The following IL1RAPL2 variants were observed in gnomAD, a reference collection of about 807,000 sequenced individuals.
The protein encoded by IL1RAPL2 is interleukin 1 receptor accessory protein like 2.
Under a neutral mutation model 44.1 loss-of-function variants are expected in IL1RAPL2, and 3 were observed. The observed-to-expected ratio is 0.07, with a 90% CI of 0.03 to 0.18. The LOEUF (loss-of-function observed/expected upper bound fraction) is 0.18. Among genes scored for constraint, IL1RAPL2 ranks in the 10% least tolerant of loss-of-function variants. The pLI is 1.00. For missense variants in IL1RAPL2, 391 were observed against 496.4 expected (o/e 0.79, Z 2.02); for synonymous variants, 181 against 178.8 (o/e 1.01, Z -0.10).
intron 6 of IL1RAPL2, among the ~76,000 whole-genome samples, chrX:105,679,621 A>AAAT (rs1432804513): frequency 1.8e-5 from 2 of 112,046 alleles, no homozygotes; most frequent in Non-Finnish European, 3.8e-5. Context: ...AGAAGTTGCA[A>AAAT]AATAATTCAG....
chrX:105,604,415 C>T (rs993783187), intron 6 of IL1RAPL2, among the ~76,000 whole-genome samples: 10 of 110,382 alleles, frequency 9.1e-5, no homozygotes, highest in African/African-American at 3.3e-4. Context: ...TGGATTAATT[C>T]CTGGACACAT....
intron 2 of IL1RAPL2, among the ~76,000 whole-genome samples, chrX:104,919,917 A>C (rs375607034): frequency 9.1e-6 from 1 of 110,441 alleles, no homozygotes; most frequent in Non-Finnish European, 1.9e-5. Context: ...CAAGGGTACA[A>C]TCTTGCTTCA....
Position 104,784,184 on chromosome X carries a change from A to G in IL1RAPL2, c.82+125189A>G, listed in dbSNP as rs761441752. On this transcript the variant is annotated intron_variant, in intron 2 of 10. Transcript: ENST00000372582. ...TTTCTTGGGATAACTTTACTGCATA[A>G]TCTTATATTGATTGTATTTCAAAGG... 4.5e-5 allele frequency among the ~76,000 whole-genome samples: 5 copies of G among 112,203 alleles called. No individual in the cohort carries two copies. The South Asian group carries it at 1.9e-3, about 42-fold the overall frequency.
intron 2 of IL1RAPL2, among the ~76,000 whole-genome samples, chrX:104,920,895 C>A (rs746865962): frequency 3.6e-5 from 4 of 110,594 alleles, no homozygotes; most frequent in Non-Finnish European, 5.7e-5. Flanking sequence ...CTGACCAGAT[C>A]TTTTGAGACA....
chrX:105,053,038 A>G (rs1392568217), intron 2 of IL1RAPL2, among the ~76,000 whole-genome samples: 7 of 110,567 alleles, frequency 6.3e-5, no homozygotes, highest in Non-Finnish European at 3.8e-5. Flanking sequence ...TTGGAAATGC[A>G]GAAATCACCT....
chrX:105,061,863 T>C, intron 2 of IL1RAPL2, among the ~76,000 whole-genome samples: 1 of 112,230 alleles, frequency 8.9e-6, no homozygotes, highest in Non-Finnish European at 1.9e-5. Flanking sequence ...ACTGCTGCTC[T>C]TTTTGGTTTT....
intron 5 of IL1RAPL2, among the ~76,000 whole-genome samples, chrX:105,349,127 C>T (rs1218163441): frequency 3.6e-5 from 4 of 112,114 alleles, no homozygotes; most frequent in Admixed American, 1.9e-4. Flanking sequence ...TGGAGTTAAT[C>T]GTGGTGGCTC....
chrX:105,111,796 T>C lies in IL1RAPL2; in HGVS notation c.83-83679T>C, dbSNP rs183381245. On this transcript the variant is annotated intron_variant, in intron 2 of 10. Coordinates refer to ENST00000372582, the MANE Select transcript of IL1RAPL2 (RefSeq NM_017416.2). ...GCATTTTTTCTGGTTGTTGTTGTTT[T>C]GAAACTGAGAATGAAAGAAGGAAAT... is the stretch of plus-strand genomic sequence containing the variant. 6.1e-3 allele frequency among the ~76,000 whole-genome samples: 680 copies of C among 112,006 alleles called. 9 individuals are homozygous for C. Among genetic ancestry groups the C allele is most frequent in the African/African-American group, 0.021 (651 of 30,857 alleles).
chrX:105,740,754 A>T, intron 8 of IL1RAPL2, 63 bp downstream of exon 8: 1 of 1,036,984 alleles, frequency 9.6e-7, no homozygotes, highest in Non-Finnish European at 1.3e-6. Context: ...GAAGTTAGAG[A>T]TATTTCCTGG....
chrX:105,371,020 G>A (rs779703841), intron 5 of IL1RAPL2, among the ~76,000 whole-genome samples: 1 of 112,032 alleles, frequency 8.9e-6, no homozygotes, highest in South Asian at 3.7e-4. Flanking sequence ...TATGTTTGTT[G>A]GCTGCATGTA....
In IL1RAPL2 at chrX:105,767,023, A is replaced by G; in HGVS notation, c.1423A>G (p.Thr475Ala). The change falls in exon 11 of 11, where the codon ACT becomes GCT. Residue 475 changes from threonine to alanine, a missense_variant. By Grantham distance (58) the Thr-to-Ala change is moderately conservative (BLOSUM62 0). Coordinates refer to ENST00000372582, the MANE Select transcript of IL1RAPL2 (RefSeq NM_017416.2). ...EQSRRLIIVL[T>A]PDYILRRGWS... Reference sequence around the variant, plus strand: ...AAGCAGAAGACTTATTATCGTGCTAACTCCAGACTATATTCTCAGACGGGG... The same window carrying G: ...AAGCAGAAGACTTATTATCGTGCTAGCTCCAGACTATATTCTCAGACGGGG... The G allele has an allele frequency of 8.3e-7, 1 of 1,208,635 alleles. No individual in the cohort carries two copies. Among genetic ancestry groups the G allele is most frequent in the Non-Finnish European group, 1.1e-6 (1 of 892,991 alleles).
intron 2 of IL1RAPL2, among the ~76,000 whole-genome samples, chrX:105,189,112 A>G (rs1360373599): frequency 1.8e-5 from 2 of 112,901 alleles, no homozygotes; most frequent in Admixed American, 9.4e-5. Flanking sequence ...ACATTAAAAT[A>G]TTAGGAAAAA....
chrX:105,060,140 C>A (rs1602928240), intron 2 of IL1RAPL2, among the ~76,000 whole-genome samples: 1 of 111,391 alleles, frequency 9.0e-6, no homozygotes, highest in South Asian at 3.8e-4. Context: ...GGATATAAGT[C>A]ATTTTAACTG....
At chrX:105,702,830 A>G (rs1308624395) in intron 6 of IL1RAPL2, among the ~76,000 whole-genome samples, 1 of 112,022 alleles carries the variant, frequency 8.9e-6, no homozygotes, top group Non-Finnish European at 1.9e-5. Flanking sequence ...TCATATTTCT[A>G]TGAGCCTTGA....
intron 2 of IL1RAPL2, among the ~76,000 whole-genome samples, chrX:105,098,080 G>C (rs933639015): frequency 8.9e-6 from 1 of 111,920 alleles, no homozygotes; most frequent in African/African-American, 3.2e-5. Flanking sequence ...AGAAAGATGT[G>C]TGAAAAACAC....
rs941039991 is a variant in IL1RAPL2, at chrX:104,647,464, G to A, written c.-19-11431G>A. On this transcript the variant is annotated intron_variant, in intron 1 of 10. Coordinates refer to ENST00000372582, the MANE Select transcript of IL1RAPL2 (RefSeq NM_017416.2). ...CCTCTTTGGCTTCCACTGCTTCTGT[G>A]AACTCCTTCCCGAAGGTGGGATGTG... 20 of 595,511 alleles carry A rather than the reference G, an allele frequency of 3.4e-5. No individual in the cohort carries two copies. In the Admixed American group the frequency reaches 4.5e-4, roughly 13 times the overall value. 49.1% of individuals were successfully genotyped at this position (595,511 alleles called of 1,213,427 possible).
intron 2 of IL1RAPL2, among the ~76,000 whole-genome samples, chrX:105,049,592 T>C (rs746257612): frequency 5.4e-5 from 6 of 111,570 alleles, no homozygotes; most frequent in Non-Finnish European, 1.1e-4. Context: ...ATTATAACTT[T>C]TCTAAATTCA....
intron 5 of IL1RAPL2, among the ~76,000 whole-genome samples, chrX:105,418,479 G>T (rs1188845263): frequency 9.0e-6 from 1 of 111,131 alleles, no homozygotes; most frequent in East Asian, 2.8e-4. Context: ...ATCCAGCACA[G>T]ATGTATGTAT....
chrX:105,227,564 A>G (rs145110853), intron 3 of IL1RAPL2, among the ~76,000 whole-genome samples: 1 of 111,896 alleles, frequency 8.9e-6, no homozygotes, highest in African/African-American at 3.3e-5. Flanking sequence ...TTATCCTTAT[A>G]TTAGGTTTAC....
Sources: gnomAD v4.1 joint callset for allele counts (sites outside exome capture counted in the v4.1 genomes callset) on GRCh38, gnomAD v4.1.1 for gene constraint, MANE v1.5 for transcripts, NCBI Gene and HGNC (gene_info 2026-07-23, HGNC 2026-07-21) for gene names.